The following OSBPL3 variants were observed in gnomAD, a reference collection of about 807,000 sequenced individuals.
OSBPL3 encodes oxysterol binding protein like 3.
In OSBPL3, 65 loss-of-function variants were observed where a neutral mutation model predicts 120.1. The ratio of observed to expected loss-of-function variants is 0.54; its 90% confidence interval spans 0.44 to 0.67. The LOEUF is 0.67. Among genes scored for constraint, OSBPL3 ranks in the 30% least tolerant of loss-of-function variants. The probability of loss-of-function intolerance (pLI) is 0.00; values close to 1 mark genes in which losing one functional copy is unlikely to be tolerated. For synonymous variants in OSBPL3, 416 were observed against 402.6 expected (o/e 1.03, Z -0.40); for missense variants, 1,004 against 1,082.1 (o/e 0.93, Z 1.01).
At chr7:24,971,727 T>C (rs947353163) in intron 1 of OSBPL3, among the ~76,000 whole-genome samples, 1 of 152,240 alleles carries the variant, frequency 6.6e-6, no homozygotes, top group South Asian at 2.1e-4. Flanking sequence ...GGAATGATAG[T>C]AACCACTTCC....
intron 2 of OSBPL3, among the ~76,000 whole-genome samples, chr7:24,890,197 T>A (rs916785716): frequency 6.6e-6 from 1 of 152,232 alleles, no homozygotes; most frequent in Non-Finnish European, 1.5e-5. Flanking sequence ...GACTTTAAAC[T>A]GGTGTTTGAA....
In OSBPL3 at chr7:24,849,616, T is replaced by G. The variant is rs1798891414; in HGVS notation, c.1159-440A>C. Among the ~76,000 whole-genome samples, 1 of 152,188 alleles carries G rather than the reference T, an allele frequency of 6.6e-6. No individual in the cohort carries two copies. Among genetic ancestry groups the G allele is most frequent in the Non-Finnish European group, 1.5e-5 (1 of 68,030 alleles). On this transcript the variant is annotated intron_variant, in intron 11 of 22. Coordinates refer to ENST00000313367, the MANE Select transcript of OSBPL3 (RefSeq NM_015550.4). This position sits in a 1 kb window ranked among gnomAD's most constrained non-coding sequence, Gnocchi z 5.4. ...CCCCATCCCTTATGATTGGACATATTTCAATGTTACTTAATTATCATACCC... is the reference window on the plus strand; with the variant it reads ...CCCCATCCCTTATGATTGGACATATGTCAATGTTACTTAATTATCATACCC...
At position 24,892,402 on chromosome 7, in the gene OSBPL3, C is replaced by A. The variant is rs1387597103; in HGVS notation, c.71G>T (p.Cys24Phe). 3 of 1,613,300 alleles carry A rather than the reference C, an allele frequency of 1.9e-6. No homozygotes were observed. In the African/African-American group the frequency reaches 4.0e-5, roughly 22 times the overall value. The change falls in exon 2 of 23, where the codon TGC becomes TTC. Residue 24 changes from cysteine (C) to phenylalanine (F), a missense_variant. By Grantham distance (205) the Cys-to-Phe change is radical. Around this residue, in one of 4 missense-constraint regions of OSBPL3, gnomAD observed 255 missense variants for 248.7 expected, o/e 1.03. Transcript: ENST00000313367. ...CTGTCGACTTCCTTGCTTGGAAGAG[C>A]AGCTACTTGTGCTCCTTGAAGGTGA... The part of the protein sequence containing the change: ...LVSPSRSTSS[C>F]SSKQGSRQDS...
At position 24,802,046 on chromosome 7, in the gene OSBPL3, T is replaced by A. The variant is rs1388543789; in HGVS notation, c.2568-1767A>T. ...GAGTATGTGCATTTGTGATTCTGACTGATATTACCATATGGTTTAGAAGCA... is the reference window on the plus strand; with the variant it reads ...GAGTATGTGCATTTGTGATTCTGACAGATATTACCATATGGTTTAGAAGCA... On this transcript the variant is annotated intron_variant, in intron 22 of 22. Transcript: ENST00000313367. This position sits in a 1 kb window ranked among gnomAD's most constrained non-coding sequence, Gnocchi z 4.1. Among the ~76,000 whole-genome samples the A allele has an allele frequency of 6.6e-6, 1 of 152,246 alleles. No homozygotes were observed. The highest frequency in any genetic ancestry group is 1.5e-5 in the Non-Finnish European group (1 of 68,034).
intron 1 of OSBPL3, among the ~76,000 whole-genome samples, chr7:24,962,944 T>C (rs1001869854): frequency 5.2e-4 from 79 of 152,322 alleles, no homozygotes; most frequent in South Asian, 6.2e-4. Flanking sequence ...CCCTCAATTA[T>C]AATAAAAAGT....
rs558850467 is a variant in OSBPL3 at position 24,938,884 on chromosome 7, TA to T, written c.-150+41001del. Among the ~76,000 whole-genome samples, 18 of 150,430 alleles carry T rather than the reference TA, an allele frequency of 1.2e-4. 3 individuals carry two copies. The highest frequency in any genetic ancestry group is 4.7e-4 in the Admixed American group (7 of 15,032). The stretch of plus-strand genomic sequence containing the variant: ...AAGAAAGAAAAAAAAAAAAGATTGT[TA>T]TTAAGGAAAAAGTATATAATGGGAG... On this transcript the variant is annotated intron_variant, in intron 1 of 22. Transcript: ENST00000313367. This position sits in a 1 kb window ranked among gnomAD's most constrained non-coding sequence, Gnocchi z 5.8.
chr7:24,820,213 G>T lies in OSBPL3; in HGVS notation c.1910C>A (p.Ala637Glu). Reference sequence around the variant, plus strand: ...AAAATTTCTAGACTCAGCATGACACGCAGAGATAGGCGGATGGTGGCTGAC... The same window carrying T: ...AAAATTTCTAGACTCAGCATGACACTCAGAGATAGGCGGATGGTGGCTGAC... ...EQVSHHPPIS[A>E]CHAESRNFVF... Residue 637 changes from alanine to glutamate, a missense_variant, in exon 17 of 23, where the codon GCG (alanine) becomes GAG (glutamate). Transcript: ENST00000313367. The surrounding 1 kb of genome is among the most constrained non-coding windows in gnomAD (Gnocchi z 4.6). 6.2e-7 allele frequency: 1 copy of T among 1,612,212 alleles called. No homozygotes were observed. Among genetic ancestry groups the T allele is most frequent in the Non-Finnish European group, 8.5e-7 (1 of 1,178,710 alleles).
Position 24,834,295 on chromosome 7 carries a change from C to T in OSBPL3, c.1746+191G>A. On this transcript the variant is annotated intron_variant, in intron 15 of 22. Coordinates refer to ENST00000313367, the MANE Select transcript of OSBPL3 (RefSeq NM_015550.4). The surrounding 1 kb of genome is among the most constrained non-coding windows in gnomAD (Gnocchi z 5.2). ...ACGGAGAAGCACCCCAACCCCGTCTCCAAATCCTCACAAGGTGACTGGAAA... is the reference window on the plus strand; with the variant it reads ...ACGGAGAAGCACCCCAACCCCGTCTTCAAATCCTCACAAGGTGACTGGAAA... The T allele has an allele frequency of 7.0e-7, 1 of 1,433,234 alleles. No individual in the cohort carries two copies. Among genetic ancestry groups the T allele is most frequent in the Non-Finnish European group, 9.2e-7 (1 of 1,089,594 alleles). The allele number at this position is 1,433,234 out of a possible 1,614,324, so 88.8% of individuals were successfully genotyped here. A position where few individuals can be genotyped will look rare whatever the true frequency, so the allele number is the denominator to read the frequency against.
chr7:24,958,823 G>A (rs1392899030), intron 1 of OSBPL3, among the ~76,000 whole-genome samples: 2 of 152,156 alleles, frequency 1.3e-5, no homozygotes, highest in African/African-American at 2.4e-5. Context: ...TCTAGTGATG[G>A]GGATAATAAA....
intron 5 of OSBPL3, among the ~76,000 whole-genome samples, chr7:24,869,119 G>A (rs1009078655): frequency 2.6e-5 from 4 of 152,178 alleles, no homozygotes; most frequent in African/African-American, 7.2e-5. Flanking sequence ...AGTCATAACC[G>A]ATGTTCAAAA....
rs1278893277 is a variant in OSBPL3 at position 24,862,659 on chromosome 7, T to C, written c.870+541A>G. Among the ~76,000 whole-genome samples the C allele has an allele frequency of 6.6e-6, 1 of 152,200 alleles. No individual in the cohort carries two copies. The highest frequency in any genetic ancestry group is 2.4e-5 in the African/African-American group (1 of 41,460). ...AACAGTTAAGCTGCAAATCTTGGCC[T>C]GTGGCTTAGCTGTGCATTGGGAAAG... is the stretch of plus-strand genomic sequence containing the variant. On this transcript the variant is annotated intron_variant, in intron 9 of 22. Transcript: ENST00000313367. The surrounding 1 kb of genome is among the most constrained non-coding windows in gnomAD (Gnocchi z 4.4).
chr7:24,834,659 T>G lies in OSBPL3; in HGVS notation c.1573A>C (p.Asn525His), dbSNP rs1286610056. 2 of 1,614,218 alleles carry G rather than the reference T, an allele frequency of 1.2e-6. No homozygotes were observed. Among genetic ancestry groups the G allele is most frequent in the South Asian group, 2.2e-5 (2 of 91,082 alleles). ...CLPAPCPSSS[N>H]ISLWNILRNN... ...CTCAGGATGTTCCACAGGCTGATGTTACTGCTGCTCGGGCAGGGCGCCGGC... is the reference window on the plus strand; with the variant it reads ...CTCAGGATGTTCCACAGGCTGATGTGACTGCTGCTCGGGCAGGGCGCCGGC... Residue 525 changes from asparagine (N) to histidine (H), a missense_variant, in exon 15 of 23, where the codon AAC (asparagine) becomes CAC (histidine). Asn to His is a moderately conservative substitution (Grantham distance 68). Coordinates refer to ENST00000313367, the MANE Select transcript of OSBPL3 (RefSeq NM_015550.4). The surrounding 1 kb of genome is among the most constrained non-coding windows in gnomAD (Gnocchi z 5.2).
intron 1 of OSBPL3, among the ~76,000 whole-genome samples, chr7:24,903,610 C>A (rs1210792900): frequency 6.6e-6 from 1 of 152,182 alleles, no homozygotes; most frequent in Non-Finnish European, 1.5e-5. Context: ...TTGATGAATA[C>A]CTCAAGCGGA....
chr7:24,977,112 T>C (rs1817671322), intron 1 of OSBPL3, among the ~76,000 whole-genome samples: 1 of 152,242 alleles, frequency 6.6e-6, no homozygotes, highest in Admixed American at 6.5e-5. Context: ...TTTCCAGCGC[T>C]TTCTTTAAGA....
At chr7:24,850,952 T>C (rs538310252) in intron 11 of OSBPL3, among the ~76,000 whole-genome samples, 1 of 152,274 alleles carries the variant, frequency 6.6e-6, no homozygotes, top group East Asian at 1.9e-4. Flanking sequence ...GTTTCCAAAA[T>C]CGTGAATATG....
In OSBPL3 at chr7:24,955,421, ATGT is replaced by A. The variant is rs899437240; in HGVS notation, c.-150+24462_-150+24464del. Among the ~76,000 whole-genome samples the A allele has an allele frequency of 1.3e-4, 20 of 152,222 alleles. No individual in the cohort carries two copies. The highest frequency in any genetic ancestry group is 4.6e-4 in the African/African-American group (19 of 41,462). ...GGGAATACAGTGGTAGACAAGATAC[ATGT>A]TGTTCCTGCTCTCACAGAGCTTCCA... On this transcript the variant is annotated intron_variant, in intron 1 of 22. Transcript: ENST00000313367. This position sits in a 1 kb window ranked among gnomAD's most constrained non-coding sequence, Gnocchi z 4.3.
chr7:24,878,713 C>T (rs1803210555), intron 2 of OSBPL3, among the ~76,000 whole-genome samples: 2 of 152,162 alleles, frequency 1.3e-5, no homozygotes, highest in Admixed American at 6.5e-5. Flanking sequence ...ATAGCAATGG[C>T]AATTTTTAAG....
chr7:24,962,012 G>A (rs994398890), intron 1 of OSBPL3, among the ~76,000 whole-genome samples: 4 of 152,098 alleles, frequency 2.6e-5, no homozygotes, highest in African/African-American at 9.7e-5. Context: ...CCTTCCTGTT[G>A]TTTAATAAAG....
rs560442260 is a variant in OSBPL3, at chr7:24,974,974, C to T, written c.-150+4912G>A. ...ATCCATTAAATTTTGTACCTTTAAA[C>T]GGATGACTTGTATAATATGTGAATT... On this transcript the variant is annotated intron_variant, in intron 1 of 22. Transcript: ENST00000313367. Among the ~76,000 whole-genome samples the T allele has an allele frequency of 7.9e-5, 12 of 152,260 alleles. No homozygotes were observed. The East Asian group carries it at 1.3e-3, about 17-fold the overall frequency.
Sources: gnomAD v4.1 joint callset for allele counts (sites outside exome capture counted in the v4.1 genomes callset) on GRCh38, gnomAD v4.1.1 for gene constraint, gnomAD v4.1.1 regional missense constraint, Gnocchi (gnomAD v3.1) non-coding constraint, MANE v1.5 for transcripts, NCBI Gene and HGNC (gene_info 2026-07-23, HGNC 2026-07-21) for gene names.